The following DLG2 variants were observed in gnomAD, a reference collection of about 807,000 sequenced individuals.
DLG2 encodes discs large MAGUK scaffold protein 2.
Under a neutral mutation model 132.5 loss-of-function variants are expected in DLG2, and 45 were observed. The observed-to-expected ratio is 0.34, with a 90% confidence interval of 0.27 to 0.44. DLG2 has a LOEUF of 0.44. DLG2 is among the 20% of genes least tolerant of loss of function. The probability of loss-of-function intolerance (pLI) is 1.00; values close to 1 mark genes in which losing one functional copy is unlikely to be tolerated. For missense variants in DLG2, 1,045 were observed against 1,196.9 expected (o/e 0.87, Z 1.87); for synonymous variants, 424 against 419.6 (o/e 1.01, Z -0.13).
chr11:83,890,950 T>C (rs1027260540), intron 15 of DLG2, among the ~76,000 whole-genome samples: 11 of 152,128 alleles, frequency 7.2e-5, no homozygotes, highest in African/African-American at 2.2e-4. Context: ...CAGTGGTGCT[T>C]TATACTGAGA....
At chr11:85,400,513 C>A (rs2087949999) in intron 3 of DLG2, among the ~76,000 whole-genome samples, 2 of 149,432 alleles carry the variant, frequency 1.3e-5, no homozygotes, top group African/African-American at 5.0e-5. Context: ...TTCACAATAG[C>A]AAAGACTTGG....
chr11:84,711,019 T>G (rs914341957), intron 6 of DLG2, among the ~76,000 whole-genome samples: 25 of 90,798 alleles, frequency 2.8e-4, no homozygotes, highest in South Asian at 8.4e-4. Context: ...GATATATATA[T>G]ATATATATAT....
At chr11:84,990,244 G>A (rs1226058434) in intron 6 of DLG2, among the ~76,000 whole-genome samples, 3 of 152,248 alleles carry the variant, frequency 2.0e-5, no homozygotes, top group African/African-American at 2.4e-5. Flanking sequence ...ACATAAAGAC[G>A]TTCATCATCT....
chr11:84,694,492 TGTAG>T (rs765758064), intron 6 of DLG2, among the ~76,000 whole-genome samples: 5 of 151,530 alleles, frequency 3.3e-5, no homozygotes, highest in Non-Finnish European at 7.4e-5. Flanking sequence ...ATTATTCTGA[TGTAG>T]GTATTTTTTT....
At chr11:85,022,926 G>A (rs2060206928) in intron 6 of DLG2, among the ~76,000 whole-genome samples, 1 of 151,844 alleles carries the variant, frequency 6.6e-6, no homozygotes, top group Non-Finnish European at 1.5e-5. Context: ...TCCTCCAAGG[G>A]AAAAAAATCT....
At chr11:85,023,716 GATAT>G (rs1225063565) in intron 6 of DLG2, among the ~76,000 whole-genome samples, 1 of 151,788 alleles carries the variant, frequency 6.6e-6, no homozygotes, top group Non-Finnish European at 1.5e-5. Context: ...TTCTAAATAG[GATAT>G]CAGAGAATAT....
At chr11:83,846,048 G>A (rs1411146239) in intron 16 of DLG2, among the ~76,000 whole-genome samples, 1 of 152,198 alleles carries the variant, frequency 6.6e-6, no homozygotes. Flanking sequence ...CATATGTTAA[G>A]TACCAAATGA....
At chr11:84,047,370 CTTAT>C (rs1389804635) in intron 11 of DLG2, among the ~76,000 whole-genome samples, 2 of 151,534 alleles carry the variant, frequency 1.3e-5, no homozygotes, top group Non-Finnish European at 3.0e-5. Context: ...ATCTCTAATG[CTTAT>C]TTAAGTTAAG....
intron 6 of DLG2, among the ~76,000 whole-genome samples, chr11:85,007,958 A>G (rs1055605379): frequency 6.6e-6 from 1 of 152,182 alleles, no homozygotes. Context: ...TGGATTTTAC[A>G]AAGGTTACAC....
At chr11:83,882,823 T>A (rs1161213016) in intron 15 of DLG2, among the ~76,000 whole-genome samples, 1 of 152,192 alleles carries the variant, frequency 6.6e-6, no homozygotes, top group Non-Finnish European at 1.5e-5. Flanking sequence ...AACCAGGTAT[T>A]AGTTCTTTCC....
chr11:83,507,758 TTATATATATATA>T (rs59086507), intron 21 of DLG2, among the ~76,000 whole-genome samples: 16,349 of 99,746 alleles, frequency 0.16, 1,400 homozygotes, highest in Middle Eastern at 0.2. Flanking sequence ...TATATTTTTA[TTATATATATATA>T]TATATATATA....
At chr11:84,036,613 T>C (rs773782559) in intron 11 of DLG2, among the ~76,000 whole-genome samples, 5 of 152,172 alleles carry the variant, frequency 3.3e-5, no homozygotes, top group Non-Finnish European at 2.9e-5. Flanking sequence ...AGGAATTGCA[T>C]TGATGAAAGC....
Position 84,481,613 on chromosome 11 carries a change from A to G in DLG2, c.519+52957T>C, listed in dbSNP as rs571445347. Among the ~76,000 whole-genome samples the G allele has an allele frequency of 9.1e-4, 138 of 152,230 alleles. 1 individual carries two copies. Among genetic ancestry groups the G allele is most frequent in the African/African-American group, 3.2e-3 (131 of 41,554 alleles). ...AATGTCTTCAGAAGTGGCTTCTACT[A>G]AAAAGCCTTCTCTCATTTTTCTCCA... On this transcript the variant is annotated intron_variant, in intron 7 of 27. Transcript: ENST00000376104.
intron 7 of DLG2, among the ~76,000 whole-genome samples, chr11:84,294,451 A>C (rs2154377697): frequency 6.6e-6 from 1 of 152,172 alleles, no homozygotes; most frequent in South Asian, 2.1e-4. Context: ...TACAAAAATA[A>C]GAAGGGTGTG....
chr11:85,501,347 A>G (rs1213983848), intron 3 of DLG2, among the ~76,000 whole-genome samples: 1 of 152,224 alleles, frequency 6.6e-6, no homozygotes, highest in Non-Finnish European at 1.5e-5. Context: ...ACCATTCAGG[A>G]CATAGGCATG....
intron 3 of DLG2, among the ~76,000 whole-genome samples, chr11:85,502,989 T>TAA (rs935286394): frequency 6.6e-6 from 1 of 151,850 alleles, no homozygotes; most frequent in Non-Finnish European, 1.5e-5. Context: ...TATATACCAA[T>TAA]AAAAAATGAA....
At chr11:84,101,424 G>A (rs992842200) in intron 9 of DLG2, among the ~76,000 whole-genome samples, 3 of 152,138 alleles carry the variant, frequency 2.0e-5, no homozygotes, top group Non-Finnish European at 4.4e-5. Flanking sequence ...GACACCAAAT[G>A]ACTGTGTTAG....
At chr11:83,844,177 T>A (rs1227939391) in intron 16 of DLG2, among the ~76,000 whole-genome samples, 5 of 151,736 alleles carry the variant, frequency 3.3e-5, no homozygotes, top group Non-Finnish European at 7.4e-5. Context: ...AAGGATAAAG[T>A]ACAAAAATAT....
At chr11:84,320,361 T>G (rs1013502101) in intron 7 of DLG2, among the ~76,000 whole-genome samples, 4 of 152,204 alleles carry the variant, frequency 2.6e-5, no homozygotes, top group African/African-American at 7.2e-5. Context: ...GATAAAATTA[T>G]GCATATGGGA....
Sources: allele counts gnomAD v4.1 joint callset (sites outside exome capture counted in the v4.1 genomes callset), GRCh38; gene constraint gnomAD v4.1.1; transcripts MANE v1.5; gene names NCBI Gene and HGNC (gene_info 2026-07-23, HGNC 2026-07-21).